Variants in PRKDC observed in about 807,000 individuals in gnomAD.
PRKDC encodes the protein protein kinase, DNA-activated, catalytic subunit.
A neutral mutation model predicts 486.9 loss-of-function variants in PRKDC; 82 were observed. The ratio of observed to expected loss-of-function variants is 0.17; its 90% CI spans 0.14 to 0.20. The LOEUF (loss-of-function observed/expected upper bound fraction) is 0.20, where lower values mean the gene tolerates loss of function less well. Among genes scored for constraint, PRKDC ranks in the 10% least tolerant of loss-of-function variants. The pLI is 1.00. For synonymous variants in PRKDC, 1,895 were observed against 1,837.0 expected (o/e 1.03, Z -0.81); for missense variants, 4,504 against 5,038.2 (o/e 0.89, Z 3.21).
chr8:47,859,679 T>C lies in PRKDC; in HGVS notation c.6139A>G (p.Thr2047Ala). The change falls in exon 46 of 86, where the codon ACC (threonine) becomes GCC (alanine). Residue 2047 changes from threonine (T) to alanine (A), a missense_variant. Around this residue, in one of 6 missense-constraint regions of PRKDC, gnomAD observed 1,592 missense variants for 1,724.6 expected, o/e 0.92. Transcript: ENST00000314191. Reference protein sequence around the residue: ...SEEMSQFDFSTGVQSYSYSSQ... With the variant: ...SEEMSQFDFSAGVQSYSYSSQ... ...CTGTATGAATAGCTCTGAACTCCGG[T>C]TGAGAAATCAAATTGACTCATTTCC... 6 of 1,613,910 alleles carry C rather than the reference T, an allele frequency of 3.7e-6. No individual in the cohort carries two copies. Among genetic ancestry groups the C allele is most frequent in the East Asian group, 4.5e-5 (2 of 44,874 alleles).
intron 25 of PRKDC, among the ~76,000 whole-genome samples, chr8:47,910,211 T>A (rs1037850888): frequency 1.6e-4 from 24 of 152,106 alleles, no homozygotes; most frequent in African/African-American, 5.6e-4. Flanking sequence ...TCCTCTTAGT[T>A]ATTTTCCATC....
intron 40 of PRKDC, among the ~76,000 whole-genome samples, chr8:47,873,741 A>G (rs1206356916): frequency 6.6e-6 from 1 of 152,224 alleles, no homozygotes; most frequent in East Asian, 1.9e-4. Context: ...ATCTTATGTG[A>G]AATAAGTAAG....
intron 11 of PRKDC, among the ~76,000 whole-genome samples, chr8:47,937,300 T>C (rs2154503852): frequency 6.6e-6 from 1 of 152,284 alleles, no homozygotes; most frequent in South Asian, 2.1e-4. Flanking sequence ...ATTATAAAGA[T>C]GCTTTGTATA....
chr8:47,953,736 A>C lies in PRKDC; in HGVS notation c.622-17T>G. On this transcript the variant is annotated splice_polypyrimidine_tract_variant and intron_variant, in intron 6 of 85. Transcript: ENST00000314191. Reference sequence around the variant, plus strand: ...TGATGTCATCTAAAAGAAAAGATTTAAGAAGATGTCATTACAAGAGAAAAA... The same window carrying C: ...TGATGTCATCTAAAAGAAAAGATTTCAGAAGATGTCATTACAAGAGAAAAA... The C allele has an allele frequency of 6.2e-7, 1 of 1,600,882 alleles. No homozygotes were observed. Among genetic ancestry groups the C allele is most frequent in the Non-Finnish European group, 8.5e-7 (1 of 1,172,990 alleles).
intron 14 of PRKDC, among the ~76,000 whole-genome samples, chr8:47,934,539 A>C (rs896130203): frequency 6.6e-6 from 1 of 152,278 alleles, no homozygotes. Context: ...TGTCTCAAAA[A>C]ATAAATAAAT....
chr8:47,938,902 A>G (rs568243157), intron 11 of PRKDC, among the ~76,000 whole-genome samples: 54 of 152,250 alleles, frequency 3.5e-4, no homozygotes, highest in African/African-American at 1.2e-3. Context: ...TCTGTCATAT[A>G]AACTTTTTTT....
At chr8:47,835,211 TA>T (rs1001732265) in intron 58 of PRKDC, among the ~76,000 whole-genome samples, 42 of 152,346 alleles carry the variant, frequency 2.8e-4, no homozygotes, top group African/African-American at 8.9e-4. Flanking sequence ...ATAAATCTAG[TA>T]AATGAATTTG....
At chr8:47,877,269 A>T (rs1589759445) in intron 40 of PRKDC, among the ~76,000 whole-genome samples, 1 of 152,234 alleles carries the variant, frequency 6.6e-6, no homozygotes, top group East Asian at 1.9e-4. Flanking sequence ...ATTTCAAATA[A>T]GCCAACACTG....
intron 76 of PRKDC, among the ~76,000 whole-genome samples, chr8:47,786,805 C>T (rs2086800028): frequency 7.4e-6 from 1 of 134,674 alleles, no homozygotes; most frequent in African/African-American, 2.8e-5. Flanking sequence ...TCTCGGCTCA[C>T]TGCAACCTCT....
intron 22 of PRKDC, 142 bp from the exon 23 acceptor site, chr8:47,915,560 C>CA: frequency 1.8e-6 from 1 of 555,736 alleles, no homozygotes; most frequent in Non-Finnish European, 3.1e-6. Context: ...GGATCCTTTC[C>CA]ACTCTTAAGA....
chr8:47,795,137 C>T (rs1240823969), intron 73 of PRKDC, among the ~76,000 whole-genome samples: 4 of 151,188 alleles, frequency 2.6e-5, no homozygotes, highest in Admixed American at 6.6e-5. Context: ...CTGCCCACAT[C>T]GGCCTCCCAA....
intron 27 of PRKDC, among the ~76,000 whole-genome samples, chr8:47,901,347 G>A (rs548394073): frequency 1.8e-4 from 27 of 151,650 alleles, no homozygotes; most frequent in Non-Finnish European, 3.2e-4. Flanking sequence ...AGTGGCGGGC[G>A]CCTGTAATCC....
chr8:47,898,257 T>C (rs1181102322), intron 29 of PRKDC, among the ~76,000 whole-genome samples: 6 of 152,220 alleles, frequency 3.9e-5, no homozygotes, highest in Admixed American at 3.9e-4. Context: ...TCAACCCAGA[T>C]CAAATACCTT....
At chr8:47,793,179 C>T (rs1291443800) in intron 74 of PRKDC, among the ~76,000 whole-genome samples, 2 of 152,244 alleles carry the variant, frequency 1.3e-5, no homozygotes, top group African/African-American at 4.8e-5. Context: ...CCATCATGCC[C>T]AGCAAGGTCA....
chr8:47,778,359 T>C (rs1279084784), intron 83 of PRKDC, 100 bp downstream of exon 83: 1 of 1,254,704 alleles, frequency 8.0e-7, no homozygotes. Context: ...ATCTAACTAA[T>C]ATGTTGTTTT....
rs143124851 is a variant in PRKDC, at chr8:47,799,536, C to G, written c.10117-146G>C. 8.3e-6 allele frequency: 7 copies of G among 842,080 alleles called. No homozygotes were observed. The African/African-American group carries it at 1.0e-4, about 12-fold the overall frequency. 52.2% of individuals were successfully genotyped at this position (842,080 alleles called of 1,614,324 possible). ...ATGGAACTGGAAAAACAAGAGTCCACCCTGGCTGTGAAGGAGCAAGCAATT... is the reference window on the plus strand; with the variant it reads ...ATGGAACTGGAAAAACAAGAGTCCAGCCTGGCTGTGAAGGAGCAAGCAATT... On this transcript the variant is annotated intron_variant, in intron 71 of 85. Transcript: ENST00000314191.
At chr8:47,893,043 T>A in intron 31 of PRKDC, 96 bp downstream of exon 31, 1 of 1,406,666 alleles carries the variant, frequency 7.1e-7, no homozygotes, top group Non-Finnish European at 9.4e-7. Context: ...GCACAGCACC[T>A]ACCATCATGT....
At chr8:47,893,702 T>G (rs987820810) in intron 30 of PRKDC, among the ~76,000 whole-genome samples, 1 of 152,222 alleles carries the variant, frequency 6.6e-6, no homozygotes, top group Non-Finnish European at 1.5e-5. Flanking sequence ...CAATAATATC[T>G]ACCTCTGGGG....
At chr8:47,832,112 G>A (rs2087896126) in intron 59 of PRKDC, among the ~76,000 whole-genome samples, 186 bp from the exon 60 acceptor site, 1 of 152,214 alleles carries the variant, frequency 6.6e-6, no homozygotes, top group Non-Finnish European at 1.5e-5. Flanking sequence ...GCAGGCATGA[G>A]CGCTGAACGG....
Sources: gnomAD v4.1 joint callset for allele counts (sites outside exome capture counted in the v4.1 genomes callset) on GRCh38, gnomAD v4.1.1 for gene constraint, gnomAD v4.1.1 regional missense constraint, MANE v1.5 for transcripts, NCBI Gene and HGNC (gene_info 2026-07-23, HGNC 2026-07-21) for gene names.